ANAPC7: variants seen among roughly 807,000 people sequenced by gnomAD.
ANAPC7 encodes anaphase-promoting complex subunit 7.
Under a neutral mutation model 63.3 loss-of-function variants are expected in ANAPC7, and 25 were observed. The observed-to-expected ratio is 0.39, with a 90% CI of 0.29 to 0.55. The LOEUF is 0.55. Among genes scored for constraint, ANAPC7 ranks in the 20% least tolerant of loss-of-function variants. ANAPC7 has a pLI of 0.57. For synonymous variants in ANAPC7, 241 were observed against 251.7 expected (o/e 0.96, Z 0.40); for missense variants, 516 against 691.7 (o/e 0.75, Z 2.85).
chr12:110,381,951 G>GAA lies in ANAPC7; in HGVS notation c.936-4_936-3insTT. ...GTTTGCTATAGAAGCTGTGACAGCT[G>GAA]GAGAAAAAAAAAAAAAAAAAAACAC... On this transcript the variant is annotated splice_polypyrimidine_tract_variant and splice_region_variant and intron_variant, in intron 7 of 10. Coordinates refer to ENST00000455511, the MANE Select transcript of ANAPC7 (RefSeq NM_016238.3). The GAA allele has an allele frequency of 2.7e-6, 2 of 748,626 alleles. No individual in the cohort carries two copies. Among genetic ancestry groups the GAA allele is most frequent in the East Asian group, 6.6e-5 (1 of 15,208 alleles). The allele number at this position is 748,626 out of a possible 1,614,324, so 46.4% of individuals were successfully genotyped here. A position where few individuals can be genotyped will look rare whatever the true frequency, so the allele number is the denominator to read the frequency against.
chr12:110,382,313 C>T (rs1037851977), intron 7 of ANAPC7, among the ~76,000 whole-genome samples: 6 of 150,854 alleles, frequency 4.0e-5, no homozygotes, highest in African/African-American at 9.7e-5. Flanking sequence ...TTCACCAACT[C>T]AGTTAATGCT....
chr12:110,374,175 G>A lies in ANAPC7; in HGVS notation c.1667C>T (p.Ala556Val), dbSNP rs1376704497. The A allele has an allele frequency of 1.2e-6, 2 of 1,613,182 alleles. No individual in the cohort carries two copies. The highest frequency in any genetic ancestry group is 1.7e-6 in the Non-Finnish European group (2 of 1,179,974). The change falls in exon 11 of 11, where the codon GCT (alanine) becomes GTT (valine). Residue 556 changes from alanine to valine, a missense_variant. Ala to Val is a moderately conservative substitution (Grantham distance 64). This residue lies in a region of ANAPC7 where 122 missense variants were observed against 212.0 expected (regional missense o/e 0.58). Transcript: ENST00000455511. Reference protein sequence around the residue: ...EGSDSEAAQWADQEQWFGMQ With the variant: ...EGSDSEAAQWVDQEQWFGMQ ...CATGCCGAACCACTGCTCCTGGTCA[G>A]CCCACTGGGCCGCCTCACTGTCGCT... is the stretch of plus-strand genomic sequence containing the variant.
At chr12:110,379,691 T>A (rs1036772806) in intron 8 of ANAPC7, among the ~76,000 whole-genome samples, 1 of 152,192 alleles carries the variant, frequency 6.6e-6, no homozygotes, top group Non-Finnish European at 1.5e-5. Flanking sequence ...TTTCCCAACA[T>A]CCAAATTTTA....
intron 1 of ANAPC7, among the ~76,000 whole-genome samples, chr12:110,402,482 A>C (rs1270253013): frequency 6.6e-6 from 1 of 151,772 alleles, no homozygotes; most frequent in African/African-American, 2.4e-5. Flanking sequence ...GGCGCCCGCC[A>C]CCACGCCTGG....
rs535934219 is a variant in ANAPC7, at chr12:110,380,665, A to C, written c.1132+1087T>G. On this transcript the variant is annotated intron_variant, in intron 8 of 10. Coordinates refer to ENST00000455511, the MANE Select transcript of ANAPC7 (RefSeq NM_016238.3). Reference sequence around the variant, plus strand: ...GACTCTGTCTCAAAAAAAAAAAAAAAAAACAGGACCCGGGCACGGTGGCTC... The same window carrying C: ...GACTCTGTCTCAAAAAAAAAAAAAACAAACAGGACCCGGGCACGGTGGCTC... 3.4e-5 allele frequency among the ~76,000 whole-genome samples: 5 copies of C among 146,680 alleles called. No individual in the cohort carries two copies. In the East Asian group the frequency reaches 1.0e-3, roughly 30 times the overall value.
chr12:110,403,657 G>A lies in ANAPC7; in HGVS notation c.-30C>T, dbSNP rs1164666075. The A allele has an allele frequency of 1.9e-6, 3 of 1,570,592 alleles. No homozygotes were observed. Among genetic ancestry groups the A allele is most frequent in the South Asian group, 1.2e-5 (1 of 86,206 alleles). ...CTCTGCAAAGCCGCGGGCAGCGGCG[G>A]CAGCACTGACTCGAAAAGCCGGTAG... On this transcript the variant is annotated 5_prime_UTR_variant, in exon 1 of 11. Coordinates refer to ENST00000455511, the MANE Select transcript of ANAPC7 (RefSeq NM_016238.3).
At chr12:110,397,630 G>A (rs1260176925) in intron 1 of ANAPC7, among the ~76,000 whole-genome samples, 1 of 152,046 alleles carries the variant, frequency 6.6e-6, no homozygotes, top group East Asian at 1.9e-4. Flanking sequence ...GGGCGTGGTG[G>A]CTCATGCCTG....
rs570747254 is a variant in ANAPC7 at position 110,373,705 on chromosome 12, TGGGAA to T, written c.*434_*438del. The stretch of plus-strand genomic sequence containing the variant: ...CTGGATAGCCCAGGACAATGACTTC[TGGGAA>T]CAGGAAGCTCCCTAGGGCCAGATCG... On this transcript the variant is annotated 3_prime_UTR_variant, in exon 11 of 11. Transcript: ENST00000455511. The T allele has an allele frequency of 6.7e-3, 1,070 of 158,994 alleles. 5 individuals carry two copies. The highest frequency in any genetic ancestry group is 9.8e-3 in the Non-Finnish European group (711 of 72,746). 9.8% of individuals were successfully genotyped at this position (158,994 alleles called of 1,614,324 possible). A position where few individuals can be genotyped will look rare whatever the true frequency, so the allele number is the denominator to read the frequency against.
intron 3 of ANAPC7, among the ~76,000 whole-genome samples, chr12:110,389,096 A>G (rs1162528798): frequency 2.0e-5 from 3 of 147,876 alleles, no homozygotes; most frequent in Admixed American, 6.7e-5. Flanking sequence ...AAAAAAAAAA[A>G]AAAAAAGAAA....
chr12:110,401,126 T>C (rs1030203727), intron 1 of ANAPC7, among the ~76,000 whole-genome samples: 9 of 152,272 alleles, frequency 5.9e-5, no homozygotes, highest in African/African-American at 1.7e-4. Context: ...TGTAAGCACT[T>C]AAAGGACTTT....
chr12:110,390,952 G>T (rs1382969203), intron 3 of ANAPC7, among the ~76,000 whole-genome samples: 1 of 152,192 alleles, frequency 6.6e-6, no homozygotes, highest in African/African-American at 2.4e-5. Context: ...AGCACTTTGG[G>T]AGGCCGAGGT....
At chr12:110,398,643 T>C (rs1425362779) in intron 1 of ANAPC7, among the ~76,000 whole-genome samples, 1 of 152,190 alleles carries the variant, frequency 6.6e-6, no homozygotes, top group African/African-American at 2.4e-5. Context: ...AAGTTTACTG[T>C]TTTTCTTTGA....
chr12:110,386,123 A>C (rs770740746), intron 6 of ANAPC7, among the ~76,000 whole-genome samples: 2 of 152,200 alleles, frequency 1.3e-5, no homozygotes, highest in Admixed American at 1.3e-4. Flanking sequence ...AGACACTTGA[A>C]TTCAAGCAAA....
At chr12:110,377,787 A>G (rs1489242923) in intron 8 of ANAPC7, 170 bp from the exon 9 acceptor site, 2 of 1,449,646 alleles carry the variant, frequency 1.4e-6, no homozygotes, top group African/African-American at 2.9e-5. Context: ...AATAGCTAAG[A>G]AGTGCTCTTC....
chr12:110,398,091 C>T (rs1199198385), intron 1 of ANAPC7, among the ~76,000 whole-genome samples: 1 of 150,906 alleles, frequency 6.6e-6, no homozygotes, highest in Non-Finnish European at 1.5e-5. Context: ...AGTAAAAATA[C>T]AAAAATTAGC....
At chr12:110,401,661 C>A (rs2062229864) in intron 1 of ANAPC7, among the ~76,000 whole-genome samples, 1 of 152,048 alleles carries the variant, frequency 6.6e-6, no homozygotes, top group Non-Finnish European at 1.5e-5. Context: ...GAGGCCGAGG[C>A]GGCGGGATCA....
Position 110,403,522 on chromosome 12 carries a change from C to A in ANAPC7, c.101+5G>T. ...AGCCCCAGGCAGCTACCCGCCTCAACTCACGGGTTGTTATTACTCATTGTA... is the reference window on the plus strand; with the variant it reads ...AGCCCCAGGCAGCTACCCGCCTCAAATCACGGGTTGTTATTACTCATTGTA... On this transcript the variant is annotated splice_donor_5th_base_variant and intron_variant, in intron 1 of 10. Coordinates refer to ENST00000455511, the MANE Select transcript of ANAPC7 (RefSeq NM_016238.3). 6.3e-7 allele frequency: 1 copy of A among 1,593,842 alleles called. No individual in the cohort carries two copies. The highest frequency in any genetic ancestry group is 8.5e-7 in the Non-Finnish European group (1 of 1,171,074).
chr12:110,375,809 G>C, intron 10 of ANAPC7: 1 of 1,151,548 alleles, frequency 8.7e-7, no homozygotes, highest in Non-Finnish European at 1.1e-6. Context: ...CAGAAGATGA[G>C]CTATACAAAT....
Position 110,388,498 on chromosome 12 carries a change from G to C in ANAPC7, c.520+14C>G. Reference sequence around the variant, plus strand: ...AGTAAACATGCCATGAAAACAGGCAGGAAATATCTCTACCTAGAATGGCAT... The same window carrying C: ...AGTAAACATGCCATGAAAACAGGCACGAAATATCTCTACCTAGAATGGCAT... On this transcript the variant is annotated intron_variant, in intron 4 of 10. Transcript: ENST00000455511. 6.3e-7 allele frequency: 1 copy of C among 1,588,408 alleles called. No homozygotes were observed. Among genetic ancestry groups the C allele is most frequent in the Non-Finnish European group, 8.6e-7 (1 of 1,157,212 alleles).
Sources: gnomAD v4.1 joint callset for allele counts (sites outside exome capture counted in the v4.1 genomes callset) on GRCh38, gnomAD v4.1.1 for gene constraint, gnomAD v4.1.1 regional missense constraint, MANE v1.5 for transcripts, NCBI Gene and HGNC (gene_info 2026-07-23, HGNC 2026-07-21) for gene names.